GSG1L: variants seen among roughly 807,000 people sequenced by gnomAD.
GSG1L encodes the protein germ cell-specific gene 1-like protein.
In GSG1L, 24 loss-of-function variants were observed where a neutral mutation model predicts 42.1. The ratio of observed to expected loss-of-function variants is 0.57; its 90% CI spans 0.41 to 0.80. GSG1L has a LOEUF of 0.80. Ranked by LOEUF, GSG1L falls within the 30% of genes least tolerant of loss-of-function variation. GSG1L has a pLI of 0.00. For missense variants in GSG1L, 445 were observed against 472.2 expected (o/e 0.94, Z 0.53); for synonymous variants, 215 against 203.5 (o/e 1.06, Z -0.48).
chr16:27,849,222 A>AAAG (rs1567485114), intron 3 of GSG1L, among the ~76,000 whole-genome samples: 1 of 146,382 alleles, frequency 6.8e-6, no homozygotes. Flanking sequence ...AAAAAAAAAA[A>AAAG]AGAGAAAAGA....
At chr16:27,903,537 G>A (rs1197677890) in intron 2 of GSG1L, among the ~76,000 whole-genome samples, 1 of 152,174 alleles carries the variant, frequency 6.6e-6, no homozygotes, top group Admixed American at 6.5e-5. Flanking sequence ...TACTAAAGGG[G>A]GCTGCAGAAC....
At chr16:27,969,673 T>C (rs1485617562) in intron 1 of GSG1L, among the ~76,000 whole-genome samples, 3 of 152,360 alleles carry the variant, frequency 2.0e-5, no homozygotes, top group Admixed American at 6.5e-5. Context: ...TGAACGTTCA[T>C]GTACAAGTTT....
intron 2 of GSG1L, among the ~76,000 whole-genome samples, chr16:27,914,523 C>G (rs989184333): frequency 6.9e-6 from 1 of 145,258 alleles, no homozygotes; most frequent in Non-Finnish European, 1.5e-5. Flanking sequence ...TTTTTCTTTT[C>G]TTTTCTATTT....
At chr16:27,909,034 T>C (rs1346746919) in intron 2 of GSG1L, among the ~76,000 whole-genome samples, 2 of 152,102 alleles carry the variant, frequency 1.3e-5, no homozygotes, top group South Asian at 4.1e-4. Flanking sequence ...CGTAGGGACC[T>C]GGGGCCCATC....
intron 1 of GSG1L, among the ~76,000 whole-genome samples, chr16:28,025,261 G>A (rs994804473): frequency 2.0e-5 from 3 of 152,162 alleles, no homozygotes; most frequent in Admixed American, 1.3e-4. Flanking sequence ...TGCAGGAAAG[G>A]GAGATGAGGG....
chr16:27,866,738 A>G (rs1019586428), intron 3 of GSG1L, among the ~76,000 whole-genome samples: 7 of 151,972 alleles, frequency 4.6e-5, no homozygotes, highest in Admixed American at 3.9e-4. Flanking sequence ...TGCCAGGTTA[A>G]TTTATGTATT....
chr16:27,850,890 C>G (rs767425132), intron 3 of GSG1L, among the ~76,000 whole-genome samples: 28 of 151,430 alleles, frequency 1.8e-4, no homozygotes, highest in Admixed American at 6.6e-5. Context: ...ACCCTCCAGA[C>G]TCAGCCTCCC....
rs867328241 is a variant in GSG1L, at chr16:28,018,578, G to A, written c.349+44498C>T. Among the ~76,000 whole-genome samples the A allele has an allele frequency of 7.9e-5, 12 of 152,256 alleles. No homozygotes were observed. In the South Asian group the frequency reaches 1.5e-3, roughly 18 times the overall value. ...TAAACCACTGCTTAGCTTCAAGGGA[G>A]GCTAGGAAAGTAGCTTCCCTTTTCA... On this transcript the variant is annotated intron_variant, in intron 1 of 6. Transcript: ENST00000447459.
rs1245491523 is a variant in GSG1L at position 27,789,811 on chromosome 16, TGGA to T, written c.*1556_*1558del. On this transcript the variant is annotated 3_prime_UTR_variant, in exon 7 of 7. Transcript: ENST00000447459. ...GGATAGATAATGGATGGACAGATGA[TGGA>T]TGGATGGATGGGTGGATGGATGGAT... is the stretch of plus-strand genomic sequence containing the variant. 7.3e-6 allele frequency: 1 copy of T among 136,736 alleles called. No individual in the cohort carries two copies. The highest frequency in any genetic ancestry group is 2.2e-4 in the East Asian group (1 of 4,564). The allele number at this position is 136,736 out of a possible 1,614,324, so 8.5% of individuals were successfully genotyped here. A position where few individuals can be genotyped will look rare whatever the true frequency, so the allele number is the denominator to read the frequency against.
At chr16:28,009,164 C>G (rs1157106095) in intron 1 of GSG1L, among the ~76,000 whole-genome samples, 1 of 152,136 alleles carries the variant, frequency 6.6e-6, no homozygotes, top group African/African-American at 2.4e-5. Context: ...ATATGAGATG[C>G]CTGTTCTCCT....
At chr16:27,835,688 G>A (rs1203982691) in intron 4 of GSG1L, among the ~76,000 whole-genome samples, 1 of 151,584 alleles carries the variant, frequency 6.6e-6, no homozygotes, top group Non-Finnish European at 1.5e-5. Context: ...CTTTTTTAGG[G>A]GTTGCTCTGG....
At chr16:28,041,388 G>A (rs539498632) in intron 1 of GSG1L, among the ~76,000 whole-genome samples, 2 of 152,172 alleles carry the variant, frequency 1.3e-5, no homozygotes, top group East Asian at 1.9e-4. Flanking sequence ...GGAGATCAAG[G>A]TTGCAGTGAG....
chr16:28,035,519 A>G (rs1199899310), intron 1 of GSG1L, among the ~76,000 whole-genome samples: 1 of 152,200 alleles, frequency 6.6e-6, no homozygotes, highest in East Asian at 1.9e-4. Flanking sequence ...CCCCATCACA[A>G]GAGCAGGCAG....
chr16:27,912,127 G>T (rs1312509782), intron 2 of GSG1L, among the ~76,000 whole-genome samples: 1 of 152,134 alleles, frequency 6.6e-6, no homozygotes, highest in African/African-American at 2.4e-5. Flanking sequence ...CCCTACAAGG[G>T]TCTGACTCCT....
At chr16:27,845,427 C>T (rs1890912608) in intron 3 of GSG1L, among the ~76,000 whole-genome samples, 1 of 152,066 alleles carries the variant, frequency 6.6e-6, no homozygotes. Flanking sequence ...TAGAAATGAG[C>T]GTCTTGCTAT....
At chr16:27,889,657 T>G (rs1327542596) in intron 2 of GSG1L, among the ~76,000 whole-genome samples, 1 of 152,204 alleles carries the variant, frequency 6.6e-6, no homozygotes, top group African/African-American at 2.4e-5. Context: ...TGGCTCTGGC[T>G]AAGACAACTC....
chr16:28,051,463 G>A (rs2086221158), intron 1 of GSG1L, among the ~76,000 whole-genome samples: 1 of 151,874 alleles, frequency 6.6e-6, no homozygotes, highest in South Asian at 2.1e-4. Context: ...GAGGCATTGA[G>A]GTAGATCGAG....
intron 5 of GSG1L, among the ~76,000 whole-genome samples, chr16:27,815,576 A>C (rs1365649253): frequency 6.6e-6 from 1 of 152,198 alleles, no homozygotes; most frequent in Non-Finnish European, 1.5e-5. Context: ...CTTGGTGTGA[A>C]ACAGTGCTCA....
chr16:27,818,947 T>C (rs2083123449), intron 5 of GSG1L, among the ~76,000 whole-genome samples: 1 of 152,168 alleles, frequency 6.6e-6, no homozygotes, highest in Admixed American at 6.5e-5. Context: ...TCTCCAATAC[T>C]GGGTTTTAAA....
Sources: allele counts gnomAD v4.1 joint callset (sites outside exome capture counted in the v4.1 genomes callset), GRCh38; gene constraint gnomAD v4.1.1; transcripts MANE v1.5; gene names NCBI Gene and HGNC (gene_info 2026-07-23, HGNC 2026-07-21).